STAC: variants seen among roughly 807,000 people sequenced by gnomAD.
The protein encoded by STAC is SH3 and cysteine rich domain.
STAC carries 43 observed loss-of-function variants against 48.8 expected under a neutral mutation model. That is an observed-to-expected ratio of 0.88 (90% CI 0.69 to 1.14). The LOEUF is 1.14. Among genes scored for constraint, STAC ranks in the 50% most tolerant of loss-of-function variants. The probability of loss-of-function intolerance (pLI) is 0.00; values close to 1 mark genes in which losing one functional copy is unlikely to be tolerated. For missense variants in STAC, 497 were observed against 504.0 expected (o/e 0.99, Z 0.13); for synonymous variants, 193 against 179.5 (o/e 1.07, Z -0.60).
chr3:36,458,674 C>A (rs150802435), intron 2 of STAC, among the ~76,000 whole-genome samples: 214 of 152,268 alleles, frequency 1.4e-3, no homozygotes, highest in Middle Eastern at 3.4e-3. Context: ...GAGGGCAAAC[C>A]AACTTCCATA....
At position 36,478,767 on chromosome 3, in the gene STAC, C is replaced by T. The variant is rs531478302; in HGVS notation, c.389-4225C>T. Among the ~76,000 whole-genome samples, 3 of 152,232 alleles carry T rather than the reference C, an allele frequency of 2.0e-5. No individual in the cohort carries two copies. In the South Asian group the frequency reaches 6.2e-4, roughly 32 times the overall value. On this transcript the variant is annotated intron_variant, in intron 2 of 10. Transcript: ENST00000273183. Reference sequence around the variant, plus strand: ...CTTCCCAAAGTGCTGGGATTACAGGCATGAACCACCGCACCCGGCTAGTTT... The same window carrying T: ...CTTCCCAAAGTGCTGGGATTACAGGTATGAACCACCGCACCCGGCTAGTTT...
intron 2 of STAC, chr3:36,459,309 G>C (rs925273644): frequency 6.6e-6 from 1 of 152,064 alleles, no homozygotes; most frequent in East Asian, 1.9e-4. Flanking sequence ...AAAGCCACAA[G>C]TGGAAACAAT....
At chr3:36,420,178 T>C (rs185093780) in intron 1 of STAC, among the ~76,000 whole-genome samples, 1 of 152,336 alleles carries the variant, frequency 6.6e-6, no homozygotes, top group East Asian at 1.9e-4. Context: ...TAAGTAAGAA[T>C]AATGATAGGA....
At chr3:36,487,738 CTG>C (rs1575234188) in intron 5 of STAC, among the ~76,000 whole-genome samples, 2 of 152,174 alleles carry the variant, frequency 1.3e-5, no homozygotes, top group East Asian at 3.8e-4. Flanking sequence ...ATTATAATGA[CTG>C]TGTCATATGA....
intron 4 of STAC, chr3:36,485,927 T>A (rs928080228): frequency 1.9e-6 from 1 of 514,986 alleles, no homozygotes; most frequent in African/African-American, 1.9e-5. Flanking sequence ...TACTAGCTGG[T>A]ACATGGCAGG....
At chr3:36,464,757 G>A (rs1283762828) in intron 2 of STAC, among the ~76,000 whole-genome samples, 1 of 151,970 alleles carries the variant, frequency 6.6e-6, no homozygotes, top group African/African-American at 2.4e-5. Context: ...ATTCCATCCA[G>A]GTTGCTATGA....
chr3:36,456,200 T>C (rs1386273984), intron 2 of STAC, among the ~76,000 whole-genome samples: 3 of 152,080 alleles, frequency 2.0e-5, no homozygotes, highest in Admixed American at 6.5e-5. Flanking sequence ...CCAGACACCA[T>C]CCCTTCATTT....
At chr3:36,458,782 C>G (rs187898729) in intron 2 of STAC, among the ~76,000 whole-genome samples, 2 of 152,240 alleles carry the variant, frequency 1.3e-5, no homozygotes, top group East Asian at 3.9e-4. Flanking sequence ...TCATGTACCC[C>G]AAATGAAGGA....
chr3:36,519,311 T>C (rs577630514), intron 8 of STAC, among the ~76,000 whole-genome samples: 2 of 152,240 alleles, frequency 1.3e-5, no homozygotes, highest in Non-Finnish European at 2.9e-5. Context: ...AATGGACGCT[T>C]GGCTGTTTAG....
intron 2 of STAC, chr3:36,459,083 T>C (rs979564338): frequency 1.3e-5 from 2 of 152,208 alleles, no homozygotes; most frequent in Non-Finnish European, 2.9e-5. Flanking sequence ...GTGAAAGGCA[T>C]TAGGTACTGG....
intron 8 of STAC, among the ~76,000 whole-genome samples, chr3:36,512,332 A>G (rs1698562331): frequency 6.6e-6 from 1 of 152,146 alleles, no homozygotes; most frequent in Admixed American, 6.6e-5. Context: ...CGCTGGGATG[A>G]AGCCATGCCT....
At chr3:36,526,202 C>T (rs1575262486) in intron 8 of STAC, among the ~76,000 whole-genome samples, 2 of 152,150 alleles carry the variant, frequency 1.3e-5, no homozygotes, top group East Asian at 3.9e-4. Flanking sequence ...CACTGAAAAG[C>T]GTGAGAGTCT....
chr3:36,437,462 T>C (rs1422976251), intron 1 of STAC, among the ~76,000 whole-genome samples: 6 of 151,784 alleles, frequency 4.0e-5, no homozygotes, highest in African/African-American at 9.7e-5. Flanking sequence ...AATGATGAGT[T>C]CATGTCCTTT....
chr3:36,440,420 G>C (rs962841173), intron 1 of STAC, among the ~76,000 whole-genome samples: 1 of 152,188 alleles, frequency 6.6e-6, no homozygotes, highest in African/African-American at 2.4e-5. Context: ...TATGCCTGCA[G>C]GACAGCAGGG....
At chr3:36,445,282 T>C (rs975036784) in intron 2 of STAC, among the ~76,000 whole-genome samples, 1 of 152,226 alleles carries the variant, frequency 6.6e-6, no homozygotes, top group African/African-American at 2.4e-5. Flanking sequence ...TAAAGAGAGT[T>C]GCACTGCACT....
chr3:36,525,305 A>G (rs1335884327), intron 8 of STAC, among the ~76,000 whole-genome samples: 3 of 152,182 alleles, frequency 2.0e-5, no homozygotes, highest in African/African-American at 7.2e-5. Flanking sequence ...TTTTTAGGAA[A>G]GGACAGAACC....
At chr3:36,390,451 C>CTTTTTTTTTT (rs59589769) in intron 1 of STAC, among the ~76,000 whole-genome samples, 88 of 80,830 alleles carry the variant, frequency 1.1e-3, no homozygotes, top group Admixed American at 1.3e-3. Flanking sequence ...TTTTTCTTTT[C>CTTTTTTTTTT]TTTTTTTTTT....
intron 1 of STAC, among the ~76,000 whole-genome samples, chr3:36,428,153 T>TG: frequency 6.6e-6 from 1 of 152,322 alleles, no homozygotes; most frequent in African/African-American, 2.4e-5. Context: ...GAGTGGGATG[T>TG]AATTGAGGCC....
intron 1 of STAC, among the ~76,000 whole-genome samples, chr3:36,413,602 C>T (rs1245928496): frequency 1.3e-5 from 2 of 152,136 alleles, no homozygotes; most frequent in Non-Finnish European, 2.9e-5. Context: ...GAATACAGCA[C>T]ACTGATGGGT....
Sources: gnomAD v4.1 joint callset for allele counts (sites outside exome capture counted in the v4.1 genomes callset) on GRCh38, gnomAD v4.1.1 for gene constraint, MANE v1.5 for transcripts, NCBI Gene and HGNC (gene_info 2026-07-23, HGNC 2026-07-21) for gene names.